CADM1: variants seen among roughly 807,000 people sequenced by gnomAD.
CADM1 encodes the protein cell adhesion molecule 1.
Under a neutral mutation model 53.1 loss-of-function variants are expected in CADM1, and 15 were observed. That is an observed-to-expected ratio of 0.28 (90% CI 0.19 to 0.44). CADM1 has a LOEUF of 0.44. Among genes scored for constraint, CADM1 ranks in the 20% least tolerant of loss-of-function variants. The pLI, the probability that CADM1 is intolerant of heterozygous loss-of-function variation, is 1.00. For synonymous variants in CADM1, 281 were observed against 243.0 expected (o/e 1.16, Z -1.45); for missense variants, 434 against 611.3 (o/e 0.71, Z 3.06).
rs376057380 is a variant in CADM1 at position 115,176,461 on chromosome 11, C to G, written c.*13G>C. ...GGGCCAGTTGGACACCTCATTGAAA[C>G]AAAAAGGCTGATCTAGATGAAGTAC... On this transcript the variant is annotated 3_prime_UTR_variant, in exon 12 of 12. Coordinates refer to ENST00000331581, the MANE Select transcript of CADM1 (RefSeq NM_001301043.2). 1.8e-4 allele frequency: 293 copies of G among 1,613,432 alleles called. No individual in the cohort carries two copies. Among genetic ancestry groups the G allele is most frequent in the Non-Finnish European group, 2.5e-4 (290 of 1,179,604 alleles).
At chr11:115,437,076 T>C (rs1167322218) in intron 1 of CADM1, among the ~76,000 whole-genome samples, 1 of 152,188 alleles carries the variant, frequency 6.6e-6, no homozygotes, top group Non-Finnish European at 1.5e-5. Context: ...TCAAGAATTA[T>C]ATAGACTAAT....
chr11:115,190,841 C>A, intron 10 of CADM1, 47 bp downstream of exon 10: 1 of 1,500,826 alleles, frequency 6.7e-7, no homozygotes. Context: ...GGATAGAGCA[C>A]CCACAGGTTG....
intron 1 of CADM1, among the ~76,000 whole-genome samples, chr11:115,358,724 A>G (rs1296331464): frequency 6.6e-6 from 1 of 152,170 alleles, no homozygotes; most frequent in Non-Finnish European, 1.5e-5. Context: ...GCACAACAAG[A>G]TCACCTAATC....
At chr11:115,448,814 G>A (rs1204025802) in intron 1 of CADM1, among the ~76,000 whole-genome samples, 1 of 152,052 alleles carries the variant, frequency 6.6e-6, no homozygotes, top group Non-Finnish European at 1.5e-5. Context: ...ATTATTGAAG[G>A]TGTCATGTAT....
chr11:115,399,994 A>C (rs1370075940), intron 1 of CADM1, among the ~76,000 whole-genome samples: 1 of 152,198 alleles, frequency 6.6e-6, no homozygotes, highest in Non-Finnish European at 1.5e-5. Flanking sequence ...TGTGATGTAC[A>C]TACAAAATTC....
At chr11:115,263,609 A>G (rs1943039749) in intron 1 of CADM1, among the ~76,000 whole-genome samples, 1 of 152,196 alleles carries the variant, frequency 6.6e-6, no homozygotes, top group South Asian at 2.1e-4. Flanking sequence ...GTATGGACTC[A>G]TGGATATTTA....
chr11:115,322,769 T>C (rs986133110), intron 1 of CADM1, among the ~76,000 whole-genome samples: 1 of 152,214 alleles, frequency 6.6e-6, no homozygotes, highest in Admixed American at 6.6e-5. Flanking sequence ...CGTAATATTC[T>C]GTTATTTGGC....
At chr11:115,477,678 G>A (rs1025913041) in intron 1 of CADM1, among the ~76,000 whole-genome samples, 7 of 152,146 alleles carry the variant, frequency 4.6e-5, no homozygotes, top group Admixed American at 6.5e-5. Context: ...GGCAATAAAC[G>A]GCCAGACCAT....
chr11:115,445,203 T>G (rs1297877317), intron 1 of CADM1, among the ~76,000 whole-genome samples: 1 of 152,094 alleles, frequency 6.6e-6, no homozygotes, highest in African/African-American at 2.4e-5. Flanking sequence ...TGACTGGGTT[T>G]TCATCAATAA....
At position 115,246,783 on chromosome 11, in the gene CADM1, G is replaced by A. The variant is rs1371689388; in HGVS notation, c.125-6363C>T. ...TTTATAACACTGTATCCTATGGCATGGAGATGGTCAGGATCTCAAAAGAAT... is the reference window on the plus strand; with the variant it reads ...TTTATAACACTGTATCCTATGGCATAGAGATGGTCAGGATCTCAAAAGAAT... On this transcript the variant is annotated intron_variant, in intron 1 of 11. Coordinates refer to ENST00000331581, the MANE Select transcript of CADM1 (RefSeq NM_001301043.2). Among the ~76,000 whole-genome samples, 18 of 152,310 alleles carry A rather than the reference G, an allele frequency of 1.2e-4. No individual in the cohort carries two copies. In the East Asian group the frequency reaches 3.1e-3, roughly 26 times the overall value.
intron 1 of CADM1, among the ~76,000 whole-genome samples, chr11:115,376,892 G>A (rs146122755): frequency 6.6e-6 from 1 of 152,220 alleles, no homozygotes; most frequent in South Asian, 2.1e-4. Flanking sequence ...GACTTTTAAG[G>A]TACTTAAATA....
intron 11 of CADM1, 58 bp downstream of exon 11, chr11:115,178,586 T>C: frequency 6.3e-7 from 1 of 1,578,272 alleles, no homozygotes. Flanking sequence ...CCTTGTAAAG[T>C]CTCCAAAGGC....
intron 10 of CADM1, among the ~76,000 whole-genome samples, chr11:115,190,252 G>T: frequency 6.6e-6 from 1 of 152,112 alleles, no homozygotes; most frequent in East Asian, 1.9e-4. Context: ...TCCCTCCTTT[G>T]TAGGATATGC....
chr11:115,214,667 C>T lies in CADM1; in HGVS notation c.935G>A (p.Arg312His), dbSNP rs1158887836. Reference sequence around the variant, plus strand: ...CCCCACTATGTTTGAAGCTTCACAGCGGTATGTACCATTATCTGTTTTGTT... The same window carrying T: ...CCCCACTATGTTTGAAGCTTCACAGTGGTATGTACCATTATCTGTTTTGTT... ...NLNKTDNGTY[R>H]CEASNIVGKA... Residue 312 changes from arginine to histidine, a missense_variant, in exon 7 of 12, where the codon CGC becomes CAC. Physicochemically the swap from Arg to His is conservative, Grantham distance 29. Transcript: ENST00000331581. 4.3e-6 allele frequency: 7 copies of T among 1,613,854 alleles called. No homozygotes were observed. Among genetic ancestry groups the T allele is most frequent in the Admixed American group, 3.3e-5 (2 of 59,996 alleles).
chr11:115,290,437 A>G (rs1393043756), intron 1 of CADM1, among the ~76,000 whole-genome samples: 1 of 152,260 alleles, frequency 6.6e-6, no homozygotes, highest in East Asian at 1.9e-4. Context: ...AAAGTCAGGC[A>G]TACTGTGCGG....
chr11:115,306,509 T>C (rs890498477), intron 1 of CADM1, among the ~76,000 whole-genome samples: 4 of 151,992 alleles, frequency 2.6e-5, no homozygotes, highest in African/African-American at 7.2e-5. Flanking sequence ...ATTAAAGACA[T>C]AGATATAACA....
chr11:115,457,676 C>A (rs1359966214), intron 1 of CADM1, among the ~76,000 whole-genome samples: 2 of 152,054 alleles, frequency 1.3e-5, no homozygotes, highest in Non-Finnish European at 2.9e-5. Flanking sequence ...AAAAGTGGAA[C>A]AGACTTTAAA....
intron 1 of CADM1, among the ~76,000 whole-genome samples, chr11:115,488,294 A>G (rs1949420719): frequency 6.6e-6 from 1 of 152,210 alleles, no homozygotes; most frequent in Non-Finnish European, 1.5e-5. Context: ...GGCAGGGAAA[A>G]GGGAAGTCTA....
At chr11:115,362,071 T>C (rs1159731156) in intron 1 of CADM1, among the ~76,000 whole-genome samples, 1 of 152,132 alleles carries the variant, frequency 6.6e-6, no homozygotes, top group Non-Finnish European at 1.5e-5. Context: ...TTCTGAATAA[T>C]CTTAAACTCT....
Sources: allele counts gnomAD v4.1 joint callset (sites outside exome capture counted in the v4.1 genomes callset), GRCh38; gene constraint gnomAD v4.1.1; transcripts MANE v1.5; gene names NCBI Gene and HGNC (gene_info 2026-07-23, HGNC 2026-07-21).